SLC25A13: variants seen among roughly 807,000 people sequenced by gnomAD.
The protein encoded by SLC25A13 is electrogenic aspartate/glutamate antiporter SLC25A13, mitochondrial.
In SLC25A13, 70 loss-of-function variants were observed where a neutral mutation model predicts 85.5. The observed-to-expected ratio is 0.82, with a 90% CI of 0.68 to 1.00. The LOEUF (loss-of-function observed/expected upper bound fraction) is 1.00, where lower values mean the gene tolerates loss of function less well. SLC25A13 is among the 50% of genes least tolerant of loss of function. SLC25A13 has a pLI of 0.00. For synonymous variants in SLC25A13, 259 were observed against 288.7 expected (o/e 0.90, Z 1.04); for missense variants, 765 against 819.8 (o/e 0.93, Z 0.82).
At chr7:96,143,069 T>G (rs985046260) in intron 14 of SLC25A13, among the ~76,000 whole-genome samples, 4 of 152,226 alleles carry the variant, frequency 2.6e-5, no homozygotes, top group African/African-American at 9.6e-5. Context: ...ATTATAGAAT[T>G]TGAAAACTTT....
At chr7:96,281,278 C>G (rs1798666266) in intron 2 of SLC25A13, among the ~76,000 whole-genome samples, 1 of 151,602 alleles carries the variant, frequency 6.6e-6, no homozygotes, top group Non-Finnish European at 1.5e-5. Flanking sequence ...GTAATCCCAG[C>G]TACTCAAGAG....
At chr7:96,279,521 T>C (rs1798588252) in intron 2 of SLC25A13, among the ~76,000 whole-genome samples, 1 of 152,098 alleles carries the variant, frequency 6.6e-6, no homozygotes, top group Admixed American at 6.6e-5. Context: ...GCAGGGGAAC[T>C]CCCATTTATA....
intron 13 of SLC25A13, among the ~76,000 whole-genome samples, chr7:96,157,847 C>T (rs752002317): frequency 3.3e-5 from 5 of 152,060 alleles, no homozygotes; most frequent in Non-Finnish European, 4.4e-5. Context: ...TTTAAGAAAT[C>T]AAATATTTTA....
At chr7:96,254,358 C>T (rs1797545805) in intron 3 of SLC25A13, among the ~76,000 whole-genome samples, 1 of 152,174 alleles carries the variant, frequency 6.6e-6, no homozygotes, top group South Asian at 2.1e-4. Context: ...CTGGGAAGTA[C>T]ACCATTGGCT....
intron 13 of SLC25A13, among the ~76,000 whole-genome samples, chr7:96,169,341 G>A (rs562520726): frequency 2.0e-4 from 31 of 151,910 alleles, no homozygotes; most frequent in Admixed American, 5.2e-4. Flanking sequence ...ATATTGTATC[G>A]CCTGAGTGAT....
chr7:96,128,455 T>A (rs998787155), intron 15 of SLC25A13, among the ~76,000 whole-genome samples: 3 of 152,174 alleles, frequency 2.0e-5, no homozygotes, highest in Non-Finnish European at 4.4e-5. Context: ...TACTTCGCAT[T>A]ACACAGTTTT....
chr7:96,252,887 A>T (rs937549868), intron 3 of SLC25A13, among the ~76,000 whole-genome samples: 3 of 152,098 alleles, frequency 2.0e-5, no homozygotes, highest in Admixed American at 6.6e-5. Flanking sequence ...TGAGGCTAGG[A>T]GTTTGAGACC....
intron 3 of SLC25A13, among the ~76,000 whole-genome samples, chr7:96,238,532 T>C (rs1210366906): frequency 1.3e-5 from 2 of 152,196 alleles, no homozygotes; most frequent in Admixed American, 6.5e-5. Flanking sequence ...TGAATAAAAG[T>C]GCCCACAAGC....
intron 4 of SLC25A13, among the ~76,000 whole-genome samples, chr7:96,223,534 T>A (rs766581558): frequency 6.6e-6 from 1 of 152,176 alleles, no homozygotes; most frequent in Non-Finnish European, 1.5e-5. Flanking sequence ...ACGCCTGTAA[T>A]CCTAGTACTT....
At chr7:96,292,094 C>T (rs1264433686) in intron 2 of SLC25A13, among the ~76,000 whole-genome samples, 2 of 152,182 alleles carry the variant, frequency 1.3e-5, no homozygotes, top group Admixed American at 1.3e-4. Flanking sequence ...ATAAAGTGGG[C>T]TTCATCCCTG....
chr7:96,159,586 C>T (rs948607890), intron 13 of SLC25A13, among the ~76,000 whole-genome samples: 8 of 152,164 alleles, frequency 5.3e-5, no homozygotes, highest in African/African-American at 1.9e-4. Flanking sequence ...TTAAGCCTCC[C>T]GCTCTGTGGT....
rs560126322 is a variant in SLC25A13, at chr7:96,185,484, A to C, written c.934-473T>G. On this transcript the variant is annotated intron_variant, in intron 9 of 17. Coordinates refer to ENST00000265631, the MANE Select transcript of SLC25A13 (RefSeq NM_014251.3). The stretch of plus-strand genomic sequence containing the variant: ...CATGGTGGCATGTGCCTGTAGTCTC[A>C]GCTACTCAGGCTGAGGAGGGAGAAT... 3.3e-4 allele frequency among the ~76,000 whole-genome samples: 50 copies of C among 152,318 alleles called. No homozygotes were observed. The South Asian group carries it at 4.6e-3, about 14-fold the overall frequency.
At chr7:96,252,279 G>A (rs919739459) in intron 3 of SLC25A13, among the ~76,000 whole-genome samples, 2 of 152,142 alleles carry the variant, frequency 1.3e-5, no homozygotes, top group African/African-American at 4.8e-5. Context: ...TACTGATAGT[G>A]AGGCCAACTA....
intron 13 of SLC25A13, 163 bp downstream of exon 13, chr7:96,169,882 G>A: frequency 1.4e-6 from 1 of 718,044 alleles, no homozygotes; most frequent in Non-Finnish European, 2.5e-6. Context: ...TCCACCTCTG[G>A]AATGGTTCGC....
intron 2 of SLC25A13, among the ~76,000 whole-genome samples, chr7:96,289,655 A>T (rs1267371756): frequency 6.6e-6 from 1 of 152,240 alleles, no homozygotes; most frequent in African/African-American, 2.4e-5. Context: ...AAGAAAGGGT[A>T]TCAGTGATGG....
chr7:96,192,626 C>G (rs1794898941), intron 6 of SLC25A13, among the ~76,000 whole-genome samples: 2 of 151,488 alleles, frequency 1.3e-5, no homozygotes, highest in South Asian at 4.2e-4. Flanking sequence ...GAAAGGGAAT[C>G]TAAGGTTTGG....
chr7:96,175,827 C>T (rs887240277), intron 11 of SLC25A13, among the ~76,000 whole-genome samples: 3 of 152,176 alleles, frequency 2.0e-5, no homozygotes, highest in Admixed American at 6.5e-5. Context: ...TTAGAGGCCC[C>T]GAGCTTCCTT....
At chr7:96,206,615 C>T (rs1301732891) in intron 5 of SLC25A13, among the ~76,000 whole-genome samples, 1 of 152,176 alleles carries the variant, frequency 6.6e-6, no homozygotes, top group Non-Finnish European at 1.5e-5. Flanking sequence ...GATCATTCAC[C>T]ACTATAACCA....
chr7:96,225,637 A>G (rs890586725), intron 4 of SLC25A13, among the ~76,000 whole-genome samples: 4 of 151,540 alleles, frequency 2.6e-5, no homozygotes, highest in Admixed American at 2.6e-4. Flanking sequence ...CCCAGCCTCC[A>G]CTGTTTGTGG....
Sources: allele counts gnomAD v4.1 joint callset (sites outside exome capture counted in the v4.1 genomes callset), GRCh38; gene constraint gnomAD v4.1.1; transcripts MANE v1.5; gene names NCBI Gene and HGNC (gene_info 2026-07-23, HGNC 2026-07-21).